The following AOPEP variants were observed in gnomAD, a reference collection of about 807,000 sequenced individuals.
The protein encoded by AOPEP is aminopeptidase O (putative).
Under a neutral mutation model 98.1 loss-of-function variants are expected in AOPEP, and 77 were observed. That is an observed-to-expected ratio of 0.78 (90% confidence interval 0.65 to 0.95). The LOEUF is 0.95. Among genes scored for constraint, AOPEP ranks in the 40% least tolerant of loss-of-function variants. AOPEP has a pLI of 0.00. For synonymous variants in AOPEP, 346 were observed against 365.3 expected (o/e 0.95, Z 0.60); for missense variants, 1,024 against 1,024.7 (o/e 1.00, Z 0.01).
intron 3 of AOPEP, among the ~76,000 whole-genome samples, chr9:94,789,663 G>C (rs1385658044): frequency 6.6e-6 from 1 of 152,188 alleles, no homozygotes; most frequent in Non-Finnish European, 1.5e-5. Context: ...AAATGGGAGA[G>C]GTGGAGTCCC....
intron 7 of AOPEP, among the ~76,000 whole-genome samples, chr9:94,944,242 T>C (rs1443111035): frequency 6.6e-6 from 1 of 151,934 alleles, no homozygotes; most frequent in Non-Finnish European, 1.5e-5. Context: ...TGCAATTCCA[T>C]TCCTAGCTAA....
chr9:95,100,678 T>C, the AOPEP span: 1 of 229,212 alleles, frequency 4.4e-6, no homozygotes, highest in Non-Finnish European at 8.7e-6. Flanking sequence ...TTGCCCAGGC[T>C]GGAGTGCAGT....
At chr9:94,939,067 G>C (rs1475403022) in intron 7 of AOPEP, among the ~76,000 whole-genome samples, 1 of 152,108 alleles carries the variant, frequency 6.6e-6, no homozygotes. Context: ...GCCCAATATG[G>C]TGAAACCACA....
intron 11 of AOPEP, among the ~76,000 whole-genome samples, chr9:95,002,799 A>G (rs1371055024): frequency 6.6e-6 from 1 of 152,234 alleles, no homozygotes; most frequent in East Asian, 1.9e-4. Flanking sequence ...AGTGAAGCAA[A>G]GTGGTATCAT....
intron 14 of AOPEP, among the ~76,000 whole-genome samples, chr9:95,067,625 C>T (rs2068048485): frequency 1.3e-5 from 2 of 152,276 alleles, no homozygotes; most frequent in East Asian, 1.9e-4. Flanking sequence ...TAGTACCCTT[C>T]GCTGAAACAG....
chr9:94,776,978 A>G (rs1368075580), intron 3 of AOPEP, among the ~76,000 whole-genome samples: 2 of 147,512 alleles, frequency 1.4e-5, no homozygotes, highest in African/African-American at 5.0e-5. Context: ...CCATATTTAG[A>G]TTGGCTTTTT....
intron 5 of AOPEP, among the ~76,000 whole-genome samples, chr9:94,874,459 A>G (rs929988586): frequency 6.6e-6 from 1 of 152,216 alleles, no homozygotes; most frequent in East Asian, 1.9e-4. Flanking sequence ...AGAACTTTCA[A>G]GCACTTTTGA....
chr9:94,779,262 A>C (rs1346318060), intron 3 of AOPEP, among the ~76,000 whole-genome samples: 4 of 152,190 alleles, frequency 2.6e-5, no homozygotes, highest in African/African-American at 9.7e-5. Flanking sequence ...GCAATTTCAG[A>C]TAGGCACTGA....
chr9:94,752,537 T>C (rs1024141984), intron 1 of AOPEP, among the ~76,000 whole-genome samples: 1 of 152,186 alleles, frequency 6.6e-6, no homozygotes, highest in African/African-American at 2.4e-5. Flanking sequence ...CAACAAAAGT[T>C]CTACACTTAG....
intron 1 of AOPEP, among the ~76,000 whole-genome samples, chr9:94,753,709 T>G (rs1021440690): frequency 4.6e-5 from 7 of 152,164 alleles, no homozygotes; most frequent in African/African-American, 9.7e-5. Flanking sequence ...AATGTTGTTT[T>G]AAAAAGACAG....
the AOPEP span, among the ~76,000 whole-genome samples, chr9:95,121,667 C>T: frequency 6.6e-6 from 1 of 152,290 alleles, no homozygotes; most frequent in Admixed American, 6.5e-5. Flanking sequence ...CCCACAGCCA[C>T]ACATGGCAAC....
intron 5 of AOPEP, among the ~76,000 whole-genome samples, chr9:94,883,610 G>A (rs951778324): frequency 6.6e-6 from 1 of 152,182 alleles, no homozygotes; most frequent in South Asian, 2.1e-4. Flanking sequence ...AAGGAAGCAA[G>A]TATTAATACC....
chr9:94,808,303 G>A (rs1490011389), intron 5 of AOPEP, among the ~76,000 whole-genome samples: 1 of 152,204 alleles, frequency 6.6e-6, no homozygotes, highest in Admixed American at 6.5e-5. Context: ...GCCTCCTGAA[G>A]TGCTGGGATT....
intron 13 of AOPEP, among the ~76,000 whole-genome samples, chr9:95,036,024 G>C (rs115632201): frequency 6.6e-6 from 1 of 152,126 alleles, no homozygotes; most frequent in Non-Finnish European, 1.5e-5. Context: ...GTCACACTGA[G>C]TTTTCTTGAA....
intron 7 of AOPEP, among the ~76,000 whole-genome samples, chr9:94,940,025 T>C (rs55961278): frequency 0.012 from 1,844 of 152,350 alleles, 33 homozygotes; most frequent in East Asian, 0.044. Context: ...CATTTGTATG[T>C]AGATATTCCA....
In AOPEP at chr9:94,945,337, C is replaced by T. The variant is rs190833879; in HGVS notation, c.1662-9840C>T. 5.3e-5 allele frequency among the ~76,000 whole-genome samples: 8 copies of T among 152,154 alleles called. No homozygotes were observed. The East Asian group carries it at 1.4e-3, about 26-fold the overall frequency. On this transcript the variant is annotated intron_variant, in intron 7 of 16. Coordinates refer to ENST00000375315, the MANE Select transcript of AOPEP (RefSeq NM_001193329.3). ...TGAGTATTCCCAGATATGAATGTTC[C>T]GTTACTAACCATCAAACATTTGTTA...
At chr9:94,885,043 A>T (rs2048050559) in intron 5 of AOPEP, among the ~76,000 whole-genome samples, 1 of 143,790 alleles carries the variant, frequency 7.0e-6, no homozygotes, top group South Asian at 2.2e-4. Context: ...CACTGGTGCA[A>T]AGTGCTATAT....
Position 94,928,522 on chromosome 9 carries a change from A to AT in AOPEP, c.1652_1653insT (p.Gln551HisfsTer7). On this transcript the variant is annotated frameshift_variant, in exon 7 of 17. Coordinates refer to ENST00000375315, the MANE Select transcript of AOPEP (RefSeq NM_001193329.3). LOFTEE classifies it high-confidence loss of function. ...ATGCAATGCTCCCCCGAGGAGATGC[A>AT]GGTGTTAAGGTAAAGCTGCATGGTG... The AT allele has an allele frequency of 6.5e-7, 1 of 1,550,128 alleles. No individual in the cohort carries two copies.
chr9:95,088,099 G>T (rs2070809885), downstream of AOPEP, among the ~76,000 whole-genome samples: 1 of 152,196 alleles, frequency 6.6e-6, no homozygotes, highest in South Asian at 2.1e-4. Flanking sequence ...GTGCCATCGT[G>T]GAGGATGGCT....
Sources: gnomAD v4.1 joint callset for allele counts (sites outside exome capture counted in the v4.1 genomes callset) on GRCh38, gnomAD v4.1.1 for gene constraint, MANE v1.5 for transcripts, NCBI Gene and HGNC (gene_info 2026-07-23, HGNC 2026-07-21) for gene names.